Variants in TAFAZZIN observed in about 807,000 individuals in gnomAD.
TAFAZZIN encodes tafazzin, phospholipid-lysophospholipid transacylase, also known as protein G4.5.
In TAFAZZIN, 6 loss-of-function variants were observed where a neutral mutation model predicts 27.3. The ratio of observed to expected loss-of-function variants is 0.22; its 90% CI spans 0.12 to 0.43. The LOEUF is 0.43. Ranked by LOEUF, TAFAZZIN falls within the 20% of genes least tolerant of loss-of-function variation. TAFAZZIN has a pLI of 1.00. For synonymous variants in TAFAZZIN, 79 were observed against 96.2 expected (o/e 0.82, Z 1.04); for missense variants, 127 against 244.5 (o/e 0.52, Z 3.21).
At position 154,420,026 on chromosome X, in the gene TAFAZZIN, G is replaced by T. The variant is rs2068583504; in HGVS notation, c.584-6G>T. 1 of 1,211,819 alleles carries T rather than the reference G, an allele frequency of 8.3e-7. No individual in the cohort carries two copies. Among genetic ancestry groups the T allele is most frequent in the African/African-American group, 1.7e-5 (1 of 57,853 alleles). Reference sequence around the variant, plus strand: ...ATGCTAACATTTCTACCTCCCCCCTGGGCAGGAATCGGGCGCCTGATTGCT... The same window carrying T: ...ATGCTAACATTTCTACCTCCCCCCTTGGCAGGAATCGGGCGCCTGATTGCT... On this transcript the variant is annotated splice_polypyrimidine_tract_variant and splice_region_variant and intron_variant, in intron 7 of 10. Coordinates refer to ENST00000601016, the MANE Select transcript of TAFAZZIN (RefSeq NM_000116.5).
Position 154,419,699 on chromosome X carries a change from C to T in TAFAZZIN, c.542-6C>T. ...CCCAAGCCTCGCCTCTGTGCTCTCT[C>T]ACCAGGGAAAGTGAACATGAGTTCC... On this transcript the variant is annotated splice_polypyrimidine_tract_variant and splice_region_variant and intron_variant, in intron 6 of 10. Transcript: ENST00000601016. The T allele has an allele frequency of 5.8e-6, 7 of 1,212,475 alleles. No individual in the cohort carries two copies. The highest frequency in any genetic ancestry group is 7.8e-6 in the Non-Finnish European group (7 of 895,645).
chrX:154,416,311 G>T (rs988418993), intron 5 of TAFAZZIN, among the ~76,000 whole-genome samples: 23 of 111,387 alleles, frequency 2.1e-4, no homozygotes, highest in Non-Finnish European at 4.4e-4. Context: ...GCAGGAGAAT[G>T]GCACAAACCC....
intron 5 of TAFAZZIN, chrX:154,418,543 A>G (rs2068545343): frequency 8.9e-6 from 1 of 112,423 alleles, no homozygotes. Flanking sequence ...TACTGTCTCC[A>G]AGCATCCCCA....
chrX:154,411,874 G>A lies in TAFAZZIN; in HGVS notation c.31G>A (p.Ala11Thr). The part of the protein sequence containing the change: MPLHVKWPFP[A>T]VPPLTWTLAS... Reference sequence around the variant, plus strand: ...TCTGCACGTGAAGTGGCCGTTCCCCGCGGTGCCGCCGCTCACCTGGACCCT... The same window carrying A: ...TCTGCACGTGAAGTGGCCGTTCCCCACGGTGCCGCCGCTCACCTGGACCCT... The change falls in exon 1 of 11, where the codon GCG becomes ACG. Residue 11 changes from alanine to threonine, a missense_variant. Ala to Thr is a moderately conservative substitution (Grantham distance 58, BLOSUM62 0). This residue lies in a region of TAFAZZIN where 17 missense variants were observed against 16.2 expected (regional missense o/e 1.05). Transcript: ENST00000601016. The A allele has an allele frequency of 8.3e-7, 1 of 1,204,179 alleles. No individual in the cohort carries two copies. The highest frequency in any genetic ancestry group is 1.7e-5 in the African/African-American group (1 of 57,871).
intron 5 of TAFAZZIN, among the ~76,000 whole-genome samples, chrX:154,415,676 A>C (rs1378833070): frequency 9.1e-6 from 1 of 109,615 alleles, no homozygotes; most frequent in African/African-American, 3.3e-5. Context: ...TGAGGTCAGG[A>C]GTTTGAGACC....
At position 154,411,563 on chromosome X, in the gene TAFAZZIN, G is replaced by T; in HGVS notation, c.-281G>T. On this transcript the variant is annotated 5_prime_UTR_variant, in exon 1 of 11. Coordinates refer to ENST00000601016, the MANE Select transcript of TAFAZZIN (RefSeq NM_000116.5). ...CGCTTTCCGGCGGTTGCACCGGGCCGGGGTGCCAGCGCCCGCCTTCCCGTT... is the reference window on the plus strand; with the variant it reads ...CGCTTTCCGGCGGTTGCACCGGGCCTGGGTGCCAGCGCCCGCCTTCCCGTT... 2.6e-6 allele frequency: 1 copy of T among 388,915 alleles called. No homozygotes were observed. The allele number at this position is 388,915 out of a possible 1,213,427, so 32.1% of individuals were successfully genotyped here. A position where few individuals can be genotyped will look rare whatever the true frequency, so the allele number is the denominator to read the frequency against.
intron 5 of TAFAZZIN, among the ~76,000 whole-genome samples, chrX:154,414,483 G>C (rs782735208): frequency 1.8e-5 from 2 of 111,196 alleles, no homozygotes; most frequent in East Asian, 5.6e-4. Flanking sequence ...ACGAGGTCAG[G>C]AGATCGAGAC....
rs781803964 is a variant in TAFAZZIN, at chrX:154,419,246, G to A, written c.461-297G>A. 11 of 382,523 alleles carry A rather than the reference G, an allele frequency of 2.9e-5. No individual in the cohort carries two copies. The South Asian group carries it at 4.2e-4, about 14-fold the overall frequency. The allele number at this position is 382,523 out of a possible 1,213,427, so 31.5% of individuals were successfully genotyped here. On this transcript the variant is annotated intron_variant, in intron 5 of 10. Coordinates refer to ENST00000601016, the MANE Select transcript of TAFAZZIN (RefSeq NM_000116.5). The stretch of plus-strand genomic sequence containing the variant: ...GAGATGACTTGAGCTGATGCTGCCT[G>A]GCACATAGGGGTTTAGAAGATATTA...
At chrX:154,415,754 G>A (rs781868198) in intron 5 of TAFAZZIN, among the ~76,000 whole-genome samples, 19 of 107,623 alleles carry the variant, frequency 1.8e-4, no homozygotes, top group South Asian at 4.1e-4. Context: ...GGTGGCGCAC[G>A]CCTGTAATCT....
Position 154,411,793 on chromosome X carries a change from C to T in TAFAZZIN, c.-51C>T, listed in dbSNP as rs12845666. The T allele has an allele frequency of 9.0e-7, 1 of 1,110,859 alleles. No individual in the cohort carries two copies. The highest frequency in any genetic ancestry group is 3.3e-5 in the East Asian group (1 of 30,518). The allele number at this position is 1,110,859 out of a possible 1,213,427, so 91.5% of individuals were successfully genotyped here. On this transcript the variant is annotated 5_prime_UTR_variant, in exon 1 of 11. Coordinates refer to ENST00000601016, the MANE Select transcript of TAFAZZIN (RefSeq NM_000116.5). The stretch of plus-strand genomic sequence containing the variant: ...GTCGAGGTCGCAGACCTAGAGGCGC[C>T]CCACAGGCCGGCCCGGGGCGCTGGG...
rs1557194694 is a variant in TAFAZZIN at position 154,421,164 on chromosome X, C to T, written c.*160C>T. 3.8e-6 allele frequency: 2 copies of T among 531,047 alleles called. No individual in the cohort carries two copies. The highest frequency in any genetic ancestry group is 4.9e-5 in the South Asian group (2 of 40,425). 43.8% of individuals were successfully genotyped at this position (531,047 alleles called of 1,213,427 possible). A position where few individuals can be genotyped will look rare whatever the true frequency, so the allele number is the denominator to read the frequency against. The stretch of plus-strand genomic sequence containing the variant: ...AGGCATTCCAGCTCCTCCGTGCTTC[C>T]TCAGTTACACAAAGGACCTCAGCTG... On this transcript the variant is annotated 3_prime_UTR_variant, in exon 11 of 11. Transcript: ENST00000601016.
At chrX:154,419,443 G>A (rs1194735543) in intron 5 of TAFAZZIN, 100 bp from the exon 6 acceptor site, 1 of 873,614 alleles carries the variant, frequency 1.1e-6, no homozygotes, top group African/African-American at 2.0e-5. Flanking sequence ...AGGGAGAAGG[G>A]CCTGTTTCAT....
intron 4 of TAFAZZIN, 121 bp downstream of exon 4, chrX:154,413,688 G>A: frequency 1.5e-6 from 1 of 664,912 alleles, no homozygotes; most frequent in Non-Finnish European, 2.3e-6. Context: ...ATGAGGCCCA[G>A]CTCCATCACA....
Position 154,411,626 on chromosome X carries a change from C to A in TAFAZZIN, c.-218C>A. ...GCAGCGCGCCCACGGCCTGTGACCC[C>A]GGCGACCGCTCCCCAGTGACGAGAG... On this transcript the variant is annotated 5_prime_UTR_variant, in exon 1 of 11. Coordinates refer to ENST00000601016, the MANE Select transcript of TAFAZZIN (RefSeq NM_000116.5). The A allele has an allele frequency of 2.1e-6, 1 of 466,558 alleles. No homozygotes were observed. The highest frequency in any genetic ancestry group is 4.4e-5 in the East Asian group (1 of 22,841). 38.4% of individuals were successfully genotyped at this position (466,558 alleles called of 1,213,427 possible). A position where few individuals can be genotyped will look rare whatever the true frequency, so the allele number is the denominator to read the frequency against.
Position 154,411,684 on chromosome X carries a change from C to A in TAFAZZIN, c.-160C>A, listed in dbSNP as rs1189221933. The A allele has an allele frequency of 3.8e-6, 2 of 528,451 alleles. No homozygotes were observed. Among genetic ancestry groups the A allele is most frequent in the Non-Finnish European group, 6.4e-6 (2 of 310,798 alleles). 43.6% of individuals were successfully genotyped at this position (528,451 alleles called of 1,213,427 possible). On this transcript the variant is annotated 5_prime_UTR_variant, in exon 1 of 11. Transcript: ENST00000601016. ...CCGGGCGCTGCTCCGGCCTGACCTG[C>A]GAAGGGACCTCGGTCCAGTCCCCTG...
At chrX:154,420,157 GT>G (rs782033605) in intron 8 of TAFAZZIN, 54 bp from the exon 9 acceptor site, 14 of 1,210,263 alleles carry the variant, frequency 1.2e-5, no homozygotes, top group African/African-American at 1.7e-5. Context: ...ACTCCCTCTG[GT>G]CCCAGGCTGC....
chrX:154,415,224 G>A (rs955853282), intron 5 of TAFAZZIN, among the ~76,000 whole-genome samples: 1 of 109,367 alleles, frequency 9.1e-6, no homozygotes, highest in Admixed American at 9.8e-5. Context: ...CTCCTGAGCA[G>A]CTGGGACTAA....
chrX:154,411,576 C>T lies in TAFAZZIN; in HGVS notation c.-268C>T, dbSNP rs1557190394. 2.5e-6 allele frequency: 1 copy of T among 406,499 alleles called. No homozygotes were observed. Among genetic ancestry groups the T allele is most frequent in the South Asian group, 2.7e-5 (1 of 37,043 alleles). 33.5% of individuals were successfully genotyped at this position (406,499 alleles called of 1,213,427 possible). On this transcript the variant is annotated 5_prime_UTR_variant, in exon 1 of 11. Transcript: ENST00000601016. ...TTGCACCGGGCCGGGGTGCCAGCGC[C>T]CGCCTTCCCGTTTCCTCCCGTTCCG... is the stretch of plus-strand genomic sequence containing the variant.
At chrX:154,413,669 G>A in intron 4 of TAFAZZIN, 102 bp downstream of exon 4, 1 of 845,735 alleles carries the variant, frequency 1.2e-6, no homozygotes, top group Non-Finnish European at 1.7e-6. Flanking sequence ...AGGCATCCCG[G>A]GAGCCAACAT....
Sources: gnomAD v4.1 joint callset for allele counts (sites outside exome capture counted in the v4.1 genomes callset) on GRCh38, gnomAD v4.1.1 for gene constraint, gnomAD v4.1.1 regional missense constraint, MANE v1.5 for transcripts, NCBI Gene and HGNC (gene_info 2026-07-23, HGNC 2026-07-21) for gene names.